The following OSBP2 variants were observed in gnomAD, a reference collection of about 807,000 sequenced individuals.
OSBP2 encodes the protein oxysterol binding protein 2.
A neutral mutation model predicts 96.0 loss-of-function variants in OSBP2; 66 were observed. The ratio of observed to expected loss-of-function variants is 0.69; its 90% CI spans 0.56 to 0.84. OSBP2 has a LOEUF of 0.84. OSBP2 is among the 40% of genes least tolerant of loss of function. The pLI, the probability that OSBP2 is intolerant of heterozygous loss-of-function variation, is 0.00. For missense variants in OSBP2, 1,038 were observed against 1,222.7 expected (o/e 0.85, Z 2.25); for synonymous variants, 525 against 520.9 (o/e 1.01, Z -0.11).
chr22:30,898,178 CA>C lies in OSBP2; in HGVS notation c.2375+4186del, dbSNP rs869212069. Among the ~76,000 whole-genome samples the C allele has an allele frequency of 1.4e-3, 213 of 151,084 alleles. 1 individual carries two copies. The highest frequency in any genetic ancestry group is 4.9e-3 in the African/African-American group (200 of 41,178). On this transcript the variant is annotated intron_variant, in intron 12 of 13. Transcript: ENST00000332585. ...CAACATAGTGAGACCTCATCTCTAC[CA>C]AAAAAAAATTTTTTTTTTCTTAATT... is the stretch of plus-strand genomic sequence containing the variant.
intron 1 of OSBP2, among the ~76,000 whole-genome samples, chr22:30,733,549 A>T (rs563184241): frequency 9.2e-5 from 14 of 152,202 alleles, no homozygotes; most frequent in Admixed American, 3.3e-4. Context: ...CAGATTGCAT[A>T]CTCTGAGATG....
intron 1 of OSBP2, among the ~76,000 whole-genome samples, chr22:30,718,183 G>C (rs2089493082): frequency 1.3e-5 from 2 of 152,172 alleles, no homozygotes; most frequent in South Asian, 4.1e-4. Flanking sequence ...ATGTGGCCCT[G>C]TCCAATATCA....
At position 30,881,451 on chromosome 22, in the gene OSBP2, C is replaced by T. The variant is rs1342096442; in HGVS notation, c.1108-5975C>T. 1.3e-5 allele frequency among the ~76,000 whole-genome samples: 2 copies of T among 152,160 alleles called. No individual in the cohort carries two copies. Among genetic ancestry groups the T allele is most frequent in the African/African-American group, 2.4e-5 (1 of 41,436 alleles). On this transcript the variant is annotated intron_variant, in intron 3 of 13. Transcript: ENST00000332585. The surrounding 1 kb of genome is among the most constrained non-coding windows in gnomAD (Gnocchi z 4.5). ...TTAAACAATTCAGGACACAAATGTG[C>T]GGGTAGGGGGCTTCAGGTCAGCCCG...
intron 1 of OSBP2, among the ~76,000 whole-genome samples, chr22:30,739,469 G>A (rs963144252): frequency 2.6e-5 from 4 of 152,080 alleles, no homozygotes; most frequent in Admixed American, 2.6e-4. Flanking sequence ...CTCCAACTCT[G>A]TAGTTCTTTT....
chr22:30,868,909 A>AG (rs2039403821), intron 2 of OSBP2, among the ~76,000 whole-genome samples: 1 of 152,266 alleles, frequency 6.6e-6, no homozygotes, highest in Admixed American at 6.5e-5. Context: ...TTTCAAAAAA[A>AG]GTCTTATATC....
intron 2 of OSBP2, among the ~76,000 whole-genome samples, chr22:30,846,657 A>AT (rs1453358830): frequency 2.6e-5 from 4 of 151,452 alleles, no homozygotes; most frequent in African/African-American, 7.3e-5. Context: ...TGACATGAGC[A>AT]TTTTTTCATG....
intron 2 of OSBP2, among the ~76,000 whole-genome samples, chr22:30,758,684 AC>A (rs985454238): frequency 6.6e-6 from 1 of 152,108 alleles, no homozygotes; most frequent in Non-Finnish European, 1.5e-5. Context: ...GCCTGCAGGT[AC>A]CAAAAACTCA....
intron 2 of OSBP2, among the ~76,000 whole-genome samples, chr22:30,862,429 T>C (rs2039230899): frequency 6.6e-6 from 1 of 152,302 alleles, no homozygotes; most frequent in South Asian, 2.1e-4. Context: ...CCTGTAATCC[T>C]AGCACTTTGG....
intron 2 of OSBP2, chr22:30,773,162 T>C (rs903342133): frequency 6.9e-5 from 10 of 143,986 alleles, no homozygotes; most frequent in African/African-American, 2.6e-4. Flanking sequence ...GAGTACAATG[T>C]CATGATCTTG....
chr22:30,846,680 G>A (rs745313927), intron 2 of OSBP2, among the ~76,000 whole-genome samples: 10 of 151,876 alleles, frequency 6.6e-5, no homozygotes, highest in South Asian at 6.3e-4. Context: ...TTTATTGACC[G>A]AAGAAGATAT....
chr22:30,815,018 A>AG (rs2091064857), intron 2 of OSBP2, among the ~76,000 whole-genome samples: 1 of 152,168 alleles, frequency 6.6e-6, no homozygotes, highest in Admixed American at 6.5e-5. Flanking sequence ...ACGGTGGCTC[A>AG]CACCTGTAAT....
At chr22:30,807,463 A>T (rs2090944409) in intron 2 of OSBP2, among the ~76,000 whole-genome samples, 1 of 152,158 alleles carries the variant, frequency 6.6e-6, no homozygotes, top group Non-Finnish European at 1.5e-5. Flanking sequence ...TCAGGAACAC[A>T]GATTCTGCTC....
intron 2 of OSBP2, among the ~76,000 whole-genome samples, chr22:30,847,158 A>G (rs1224291139): frequency 2.0e-5 from 3 of 151,806 alleles, no homozygotes; most frequent in Admixed American, 1.3e-4. Flanking sequence ...TTGTATTTTT[A>G]GTAGAGATGA....
At chr22:30,833,017 G>C (rs2038560328) in intron 2 of OSBP2, among the ~76,000 whole-genome samples, 1 of 152,216 alleles carries the variant, frequency 6.6e-6, no homozygotes, top group South Asian at 2.1e-4. Context: ...ATTTTTCAAA[G>C]TTTGATTCAG....
At chr22:30,728,840 A>T (rs1472644640) in intron 1 of OSBP2, among the ~76,000 whole-genome samples, 1 of 152,206 alleles carries the variant, frequency 6.6e-6, no homozygotes, top group Non-Finnish European at 1.5e-5. Context: ...TTGCTGTATT[A>T]TATTCCCCCA....
At chr22:30,885,431 C>T (rs1399812242) in intron 3 of OSBP2, among the ~76,000 whole-genome samples, 2 of 152,234 alleles carry the variant, frequency 1.3e-5, no homozygotes, top group Non-Finnish European at 2.9e-5. Context: ...GAATGACCAA[C>T]CCCTGCTTCA....
intron 2 of OSBP2, among the ~76,000 whole-genome samples, chr22:30,747,691 T>C (rs1343237681): frequency 6.6e-6 from 1 of 152,120 alleles, no homozygotes. Context: ...CCCCACCCAC[T>C]GGGCTCAGCT....
chr22:30,852,493 C>T (rs929649761), intron 2 of OSBP2, among the ~76,000 whole-genome samples: 2 of 151,746 alleles, frequency 1.3e-5, no homozygotes, highest in African/African-American at 4.8e-5. Flanking sequence ...AATGTTCCTT[C>T]TTTCATTTCT....
At chr22:30,808,693 A>G (rs136255) in intron 2 of OSBP2, among the ~76,000 whole-genome samples, 110,438 of 151,678 alleles carry the variant, frequency 0.73, 40,857 homozygotes, top group African/African-American at 0.85. Context: ...GGTGGCTGAC[A>G]CCTGTAATCC....
Sources: allele counts gnomAD v4.1 joint callset (sites outside exome capture counted in the v4.1 genomes callset), GRCh38; gene constraint gnomAD v4.1.1; non-coding constraint Gnocchi (gnomAD v3.1); transcripts MANE v1.5; gene names NCBI Gene and HGNC (gene_info 2026-07-23, HGNC 2026-07-21).